TSPAN15: variants seen among roughly 807,000 people sequenced by gnomAD.
TSPAN15 encodes the protein tetraspanin 15.
TSPAN15 carries 20 observed loss-of-function variants against 34.5 expected under a neutral mutation model. The observed-to-expected ratio is 0.58, with a 90% CI of 0.41 to 0.84. The LOEUF (loss-of-function observed/expected upper bound fraction) is 0.84. Among genes scored for constraint, TSPAN15 ranks in the 40% least tolerant of loss-of-function variants. The pLI, the probability that TSPAN15 is intolerant of heterozygous loss-of-function variation, is 0.00. For synonymous variants in TSPAN15, 155 were observed against 153.9 expected, an observed-to-expected ratio of 1.01 and a Z score of -0.05; for missense variants, 313 against 386.1, an observed-to-expected ratio of 0.81 and a Z score of 1.59.
intron 1 of TSPAN15, among the ~76,000 whole-genome samples, chr10:69,456,191 G>T (rs1364891640): frequency 6.6e-6 from 1 of 151,578 alleles, no homozygotes; most frequent in African/African-American, 2.4e-5. Context: ...AGGCTCAAGC[G>T]ATTCTCCTGC....
At chr10:69,501,994 C>T (rs1842219664) in intron 5 of TSPAN15, among the ~76,000 whole-genome samples, 1 of 145,304 alleles carries the variant, frequency 6.9e-6, no homozygotes, top group South Asian at 2.4e-4. Flanking sequence ...CGCACCCCAT[C>T]CTGTGGAAAA....
intron 1 of TSPAN15, among the ~76,000 whole-genome samples, chr10:69,462,874 G>T (rs1050595476): frequency 6.6e-6 from 1 of 152,208 alleles, no homozygotes; most frequent in African/African-American, 2.4e-5. Context: ...GAAAGAAAGA[G>T]AACACTCTAG....
chr10:69,523,600 G>A, the TSPAN15 span: 1 of 255,334 alleles, frequency 3.9e-6, no homozygotes, highest in Non-Finnish European at 7.5e-6. Flanking sequence ...AAGGGCCCCA[G>A]CTCTGGACGA....
Position 69,498,477 on chromosome 10 carries a change from T to C in TSPAN15, c.570+81T>C, listed in dbSNP as rs146335457. 1.3e-3 allele frequency: 1,551 copies of C among 1,164,622 alleles called. 17 individuals are homozygous for C. The African/African-American group carries it at 0.021, about 16-fold the overall frequency. 72.1% of individuals were successfully genotyped at this position (1,164,622 alleles called of 1,614,324 possible). A position where few individuals can be genotyped will look rare whatever the true frequency, so the allele number is the denominator to read the frequency against. On this transcript the variant is annotated intron_variant, in intron 5 of 7. Coordinates refer to ENST00000373290, the MANE Select transcript of TSPAN15 (RefSeq NM_012339.5). The stretch of plus-strand genomic sequence containing the variant: ...ATGTTCTCTTTTCTCTCTTCCCAAC[T>C]TGAAGATGGGTGGTGTGGGTGGATG...
At chr10:69,466,634 G>A (rs1337385317) in intron 1 of TSPAN15, among the ~76,000 whole-genome samples, 1 of 152,182 alleles carries the variant, frequency 6.6e-6, no homozygotes, top group African/African-American at 2.4e-5. Flanking sequence ...ACCACGTGGA[G>A]ACGTGATAGG....
intron 1 of TSPAN15, among the ~76,000 whole-genome samples, chr10:69,453,997 G>A (rs941616521): frequency 1.3e-5 from 2 of 152,224 alleles, no homozygotes; most frequent in South Asian, 4.1e-4. Context: ...GGCCCAGTGT[G>A]AGTAAGTAAT....
At chr10:69,545,104 G>T in the TSPAN15 span, among the ~76,000 whole-genome samples, 3 of 152,316 alleles carry the variant, frequency 2.0e-5, no homozygotes, top group Admixed American at 6.5e-5. Context: ...CTCCTGTCCT[G>T]TGGAGGCTTT....
At chr10:69,539,476 G>GAAGA in the TSPAN15 span, among the ~76,000 whole-genome samples, 12 of 62,618 alleles carry the variant, frequency 1.9e-4, no homozygotes, top group African/African-American at 6.7e-4. Flanking sequence ...GAAGGAGAAG[G>GAAGA]AGAAGGAGAA....
At chr10:69,493,525 T>A (rs1842012928) in intron 3 of TSPAN15, among the ~76,000 whole-genome samples, 1 of 142,960 alleles carries the variant, frequency 7.0e-6, no homozygotes, top group Admixed American at 7.5e-5. Flanking sequence ...CAGTCTAGAG[T>A]GCAGTGGTGC....
chr10:69,498,468 C>A, intron 5 of TSPAN15, 72 bp downstream of exon 5: 2 of 1,274,446 alleles, frequency 1.6e-6, no homozygotes, highest in Admixed American at 1.8e-5. Context: ...TCTTTTCTCT[C>A]TTCCCAACTT....
intron 1 of TSPAN15, among the ~76,000 whole-genome samples, chr10:69,460,472 G>A (rs1841227691): frequency 6.6e-6 from 1 of 152,140 alleles, no homozygotes; most frequent in Non-Finnish European, 1.5e-5. Flanking sequence ...TGAAGGAGCT[G>A]GCAGCCATCT....
chr10:69,519,826 G>A, the TSPAN15 span, among the ~76,000 whole-genome samples: 341 of 152,082 alleles, frequency 2.2e-3, 1 homozygote, highest in South Asian at 2.1e-3. Flanking sequence ...TCTGCCTCCC[G>A]GGTTCAATCA....
intron 1 of TSPAN15, among the ~76,000 whole-genome samples, chr10:69,466,688 C>T (rs10823391): frequency 0.4 from 60,736 of 152,058 alleles, 12,626 homozygotes; most frequent in Non-Finnish European, 0.45. Flanking sequence ...CTCAGTGGTT[C>T]CTTCCAGCTC....
At chr10:69,523,378 G>A in the TSPAN15 span, 774 of 581,572 alleles carry the variant, frequency 1.3e-3, 36 homozygotes, top group African/African-American at 0.012. Flanking sequence ...CTGGATGCTG[G>A]GGTCTCCACC....
At chr10:69,477,467 G>T (rs1294589212) in intron 1 of TSPAN15, among the ~76,000 whole-genome samples, 2 of 152,162 alleles carry the variant, frequency 1.3e-5, no homozygotes, top group Non-Finnish European at 2.9e-5. Flanking sequence ...TAGGAGTGGT[G>T]AGGGGCAGCA....
At chr10:69,470,713 C>T (rs535759526) in intron 1 of TSPAN15, among the ~76,000 whole-genome samples, 2 of 152,146 alleles carry the variant, frequency 1.3e-5, no homozygotes, top group South Asian at 2.1e-4. Flanking sequence ...ATAGCAAGAC[C>T]CCATCTCAAT....
intron 1 of TSPAN15, among the ~76,000 whole-genome samples, chr10:69,458,677 C>A (rs1214626081): frequency 6.6e-6 from 1 of 152,132 alleles, no homozygotes; most frequent in African/African-American, 2.4e-5. Context: ...TCCCCTCCCC[C>A]AGTCTGGCCA....
chr10:69,508,023 C>G (rs1488909720), downstream of TSPAN15, among the ~76,000 whole-genome samples: 3 of 152,130 alleles, frequency 2.0e-5, no homozygotes, highest in African/African-American at 7.2e-5. Context: ...GCATGCAGAG[C>G]GTGGTGTCGG....
chr10:69,498,569 G>A (rs1268820885), intron 5 of TSPAN15, among the ~76,000 whole-genome samples, 173 bp downstream of exon 5: 1 of 152,194 alleles, frequency 6.6e-6, no homozygotes, highest in Non-Finnish European at 1.5e-5. Flanking sequence ...TGAAAGTGGA[G>A]CTTCTGGGGG....
Sources: gnomAD v4.1 joint callset for allele counts (sites outside exome capture counted in the v4.1 genomes callset) on GRCh38, gnomAD v4.1.1 for gene constraint, MANE v1.5 for transcripts, NCBI Gene and HGNC (gene_info 2026-07-23, HGNC 2026-07-21) for gene names.